LIFR: variants seen among roughly 807,000 people sequenced by gnomAD.
LIFR encodes the protein leukemia inhibitory factor receptor.
LIFR carries 84 observed loss-of-function variants against 122.2 expected under a neutral mutation model. That is an observed-to-expected ratio of 0.69 (90% CI 0.58 to 0.82). The LOEUF (loss-of-function observed/expected upper bound fraction) is 0.82. LIFR is among the 40% of genes least tolerant of loss of function. The pLI is 0.00. For synonymous variants in LIFR, 422 were observed against 434.7 expected (o/e 0.97, Z 0.36); for missense variants, 1,294 against 1,311.6 (o/e 0.99, Z 0.21).
At chr5:38,583,722 C>T (rs757297896) in intron 1 of LIFR, among the ~76,000 whole-genome samples, 5 of 152,136 alleles carry the variant, frequency 3.3e-5, no homozygotes. Flanking sequence ...TCACTAAACA[C>T]CATTGATATG....
chr5:38,488,964 C>T, intron 16 of LIFR, 114 bp downstream of exon 16: 1 of 801,256 alleles, frequency 1.2e-6, no homozygotes, highest in Non-Finnish European at 2.1e-6. Context: ...CTCTATCTTT[C>T]AGATAGTTTT....
chr5:38,553,673 T>TAA (rs56694984), intron 1 of LIFR, among the ~76,000 whole-genome samples: 2 of 103,064 alleles, frequency 1.9e-5, no homozygotes, highest in African/African-American at 7.2e-5. Context: ...TATATATATA[T>TAA]TATATGTATG....
chr5:38,550,976 C>T (rs1280699545), intron 1 of LIFR, among the ~76,000 whole-genome samples: 3 of 152,166 alleles, frequency 2.0e-5, no homozygotes, highest in Admixed American at 2.0e-4. Flanking sequence ...TTCATAAGAG[C>T]TATGCATTTT....
Position 38,523,543 on chromosome 5 carries a change from G to A in LIFR, c.437C>T (p.Ala146Val). 1 of 1,613,318 alleles carries A rather than the reference G, an allele frequency of 6.2e-7. No individual in the cohort carries two copies. The change falls in exon 5 of 20, where the codon GCT (alanine) becomes GTT (valine). Residue 146 changes from alanine to valine, a missense_variant. Ala to Val is a moderately conservative substitution (Grantham distance 64). Coordinates refer to ENST00000453190, the MANE Select transcript of LIFR (RefSeq NM_001127671.2). ...GTATAATGTAGAGGTTGAGAAATCA[G>A]CAGACAAATTCAAGATCTCTGGAGT... is the stretch of plus-strand genomic sequence containing the variant. ...PDTPEILNLS[A>V]DFSTSTLYLK...
At position 38,591,611 on chromosome 5, in the gene LIFR, A is replaced by G. The variant is rs533475558; in HGVS notation, c.-20+3650T>C. ...TGTGCAGATGTTTGAAGGACACCATATAGACTATTCACAAACTTTTGTGGT... is the reference window on the plus strand; with the variant it reads ...TGTGCAGATGTTTGAAGGACACCATGTAGACTATTCACAAACTTTTGTGGT... On this transcript the variant is annotated intron_variant, in intron 1 of 19. Coordinates refer to the LIFR transcript ENST00000263409. Among the ~76,000 whole-genome samples the G allele has an allele frequency of 1.4e-3, 211 of 152,342 alleles. 1 individual carries two copies. The highest frequency in any genetic ancestry group is 6.8e-3 in the Middle Eastern group (2 of 294).
At chr5:38,560,595 G>GTTTT (rs1469820400), upstream of LIFR, among the ~76,000 whole-genome samples, 2 of 148,834 alleles carry the variant, frequency 1.3e-5, no homozygotes, top group African/African-American at 2.5e-5. Context: ...GTTTTGTTTT[G>GTTTT]TTTTTTGTTT....
At chr5:38,580,826 C>T (rs1749556309) in intron 1 of LIFR, among the ~76,000 whole-genome samples, 2 of 152,180 alleles carry the variant, frequency 1.3e-5, no homozygotes, top group South Asian at 2.1e-4. Context: ...CTCATGCCCA[C>T]CTTCAGCCTC....
At chr5:38,578,069 A>G (rs1749444346) in intron 1 of LIFR, among the ~76,000 whole-genome samples, 1 of 152,220 alleles carries the variant, frequency 6.6e-6, no homozygotes, top group Non-Finnish European at 1.5e-5. Flanking sequence ...TGGTTAACAG[A>G]CAAGCTGCAT....
chr5:38,571,514 C>A (rs1341883595), intron 1 of LIFR, among the ~76,000 whole-genome samples: 2 of 130,408 alleles, frequency 1.5e-5, no homozygotes, highest in African/African-American at 2.8e-5. Flanking sequence ...AAGATTGTGC[C>A]ACTGCATTCC....
chr5:38,481,298 C>A lies in LIFR; in HGVS notation c.*297G>T. The A allele has an allele frequency of 2.2e-6, 1 of 459,096 alleles. No individual in the cohort carries two copies. Among genetic ancestry groups the A allele is most frequent in the Non-Finnish European group, 4.0e-6 (1 of 253,028 alleles). 28.4% of individuals were successfully genotyped at this position (459,096 alleles called of 1,614,324 possible). On this transcript the variant is annotated 3_prime_UTR_variant, in exon 20 of 20. Coordinates refer to ENST00000453190, the MANE Select transcript of LIFR (RefSeq NM_001127671.2). ...GCGGGATTTGTTTTACATGTACGTA[C>A]AAGTAGGTATTAGCCTTGAAATGCT...
intron 5 of LIFR, among the ~76,000 whole-genome samples, chr5:38,512,966 TTAAA>T (rs1387350386): frequency 6.6e-6 from 1 of 152,150 alleles, no homozygotes; most frequent in East Asian, 1.9e-4. Flanking sequence ...AAATAGAAGA[TTAAA>T]TATGTAAGTT....
chr5:38,480,703 CACTGGAATT>C lies in LIFR; in HGVS notation c.*883_*891del. On this transcript the variant is annotated 3_prime_UTR_variant, in exon 20 of 20. Coordinates refer to ENST00000453190, the MANE Select transcript of LIFR (RefSeq NM_001127671.2). ...TTAGTAGTCATCTCACATAGTAAGT[CACTGGAATT>C]ACATGCTTATGAATAATATTGAATT... is the stretch of plus-strand genomic sequence containing the variant. The C allele has an allele frequency of 4.8e-6, 1 of 210,488 alleles. No homozygotes were observed. The highest frequency in any genetic ancestry group is 7.2e-5 in the East Asian group (1 of 13,904). 13.0% of individuals were successfully genotyped at this position (210,488 alleles called of 1,614,324 possible).
intron 1 of LIFR, among the ~76,000 whole-genome samples, chr5:38,563,042 T>G (rs1162675465): frequency 6.6e-6 from 1 of 152,234 alleles, no homozygotes; most frequent in Non-Finnish European, 1.5e-5. Context: ...ATGGCAGCTC[T>G]GGCAAACAGG....
At chr5:38,557,794 C>A (rs569930729), upstream of LIFR, 1 of 152,782 alleles carries the variant, frequency 6.5e-6, no homozygotes, top group Non-Finnish European at 1.5e-5. Flanking sequence ...ATATGTATTT[C>A]ACAGCTAGAT....
chr5:38,516,571 G>A lies in LIFR; in HGVS notation c.562-4607C>T, dbSNP rs138250781. Among the ~76,000 whole-genome samples, 601 of 152,300 alleles carry A rather than the reference G, an allele frequency of 3.9e-3. 5 individuals are homozygous for A. The highest frequency in any genetic ancestry group is 0.014 in the African/African-American group (573 of 41,552). ...GACAGGAAACAACAGATGTTGGAGA[G>A]GATGTGGAGAAATAGGAATGCTTTT... On this transcript the variant is annotated intron_variant, in intron 5 of 19. Transcript: ENST00000453190.
chr5:38,561,261 T>A (rs1371488927), upstream of LIFR, among the ~76,000 whole-genome samples: 2 of 152,056 alleles, frequency 1.3e-5, no homozygotes, highest in South Asian at 4.1e-4. Flanking sequence ...ACAGAGCTAA[T>A]TTTTTTTCTG....
intron 18 of LIFR, among the ~76,000 whole-genome samples, chr5:38,484,526 T>C (rs950250358): frequency 3.3e-5 from 5 of 152,240 alleles, no homozygotes; most frequent in Non-Finnish European, 5.9e-5. Flanking sequence ...TTTTTTATAA[T>C]AGTAACTGCT....
At chr5:38,532,096 C>G (rs1228051347) in intron 1 of LIFR, among the ~76,000 whole-genome samples, 1 of 152,188 alleles carries the variant, frequency 6.6e-6, no homozygotes, top group Non-Finnish European at 1.5e-5. Flanking sequence ...CCCTAAAACT[C>G]AAACTCTGAC....
chr5:38,488,652 G>A (rs998689670), intron 16 of LIFR, among the ~76,000 whole-genome samples: 3 of 152,194 alleles, frequency 2.0e-5, no homozygotes, highest in Admixed American at 1.3e-4. Context: ...TGGCTAAGAC[G>A]CTAATAGGCC....
Sources: gnomAD v4.1 joint callset for allele counts (sites outside exome capture counted in the v4.1 genomes callset) on GRCh38, gnomAD v4.1.1 for gene constraint, MANE v1.5 for transcripts, NCBI Gene and HGNC (gene_info 2026-07-23, HGNC 2026-07-21) for gene names.